The following ST3GAL3 variants were observed in gnomAD, a reference collection of about 807,000 sequenced individuals.
ST3GAL3 encodes the protein ST3 beta-galactoside alpha-2,3-sialyltransferase 3.
Under a neutral mutation model 50.1 loss-of-function variants are expected in ST3GAL3, and 21 were observed. The observed-to-expected ratio is 0.42, with a 90% CI of 0.30 to 0.60. The LOEUF is 0.60. ST3GAL3 is among the 20% of genes least tolerant of loss of function. The probability of loss-of-function intolerance (pLI) is 0.19; values close to 1 mark genes in which losing one functional copy is unlikely to be tolerated. For synonymous variants in ST3GAL3, 183 were observed against 190.0 expected (o/e 0.96, Z 0.30); for missense variants, 353 against 489.4 (o/e 0.72, Z 2.63).
intron 4 of ST3GAL3, among the ~76,000 whole-genome samples, chr1:43,817,856 C>CTCT (rs1286534906): frequency 1.9e-5 from 2 of 105,790 alleles, no homozygotes; most frequent in Non-Finnish European, 4.3e-5. Flanking sequence ...CCTTCTCCTC[C>CTCT]TCCTCCTCTT....
chr1:43,913,632 C>T (rs1248702582), intron 9 of ST3GAL3: 1 of 152,104 alleles, frequency 6.6e-6, no homozygotes, highest in Admixed American at 6.6e-5. Context: ...CAAACCATAT[C>T]TTGGTCTTAC....
At chr1:43,918,119 C>CTTTTTT (rs573834844) in intron 9 of ST3GAL3, among the ~76,000 whole-genome samples, 12,094 of 133,654 alleles carry the variant, frequency 0.09, 1,194 homozygotes, top group African/African-American at 0.22. Context: ...TTTTCTTTCT[C>CTTTTTT]TTTTTTTTTT....
At chr1:43,884,393 G>GA (rs2075644695) in intron 5 of ST3GAL3, among the ~76,000 whole-genome samples, 1 of 152,222 alleles carries the variant, frequency 6.6e-6, no homozygotes, top group East Asian at 1.9e-4. Flanking sequence ...TCAGCAAGGG[G>GA]AACGCAGCAA....
chr1:43,930,472 T>C lies in ST3GAL3; in HGVS notation c.*251T>C. On this transcript the variant is annotated 3_prime_UTR_variant, in exon 12 of 12. Coordinates refer to ENST00000347631, the MANE Select transcript of ST3GAL3 (RefSeq NM_006279.5). ...CTGGCTGTGCCCAGCAGGCCCAGCA[T>C]GCAGGTGGTGGGACACTGGGCAGCA... 1 of 583,564 alleles carries C rather than the reference T, an allele frequency of 1.7e-6. No homozygotes were observed. Among genetic ancestry groups the C allele is most frequent in the Middle Eastern group, 4.6e-4 (1 of 2,166 alleles). 36.1% of individuals were successfully genotyped at this position (583,564 alleles called of 1,614,324 possible). A position where few individuals can be genotyped will look rare whatever the true frequency, so the allele number is the denominator to read the frequency against.
chr1:43,774,419 C>G (rs1303932599), intron 2 of ST3GAL3, among the ~76,000 whole-genome samples: 1 of 152,300 alleles, frequency 6.6e-6, no homozygotes, highest in East Asian at 1.9e-4. Context: ...TGCTGCCTTT[C>G]AGGTGTTGAG....
intron 11 of ST3GAL3, among the ~76,000 whole-genome samples, chr1:43,924,552 C>A (rs2083579133): frequency 6.6e-6 from 1 of 152,194 alleles, no homozygotes; most frequent in Non-Finnish European, 1.5e-5. Context: ...TGAGGCCTTA[C>A]ATTAGCATGT....
rs551835023 is a variant in ST3GAL3, at chr1:43,872,749, A to G, written c.303-21634A>G. Among the ~76,000 whole-genome samples, 4 of 152,308 alleles carry G rather than the reference A, an allele frequency of 2.6e-5. No homozygotes were observed. The East Asian group carries it at 5.8e-4, about 22-fold the overall frequency. On this transcript the variant is annotated intron_variant, in intron 5 of 11. Coordinates refer to ENST00000347631, the MANE Select transcript of ST3GAL3 (RefSeq NM_006279.5). Reference sequence around the variant, plus strand: ...TGGGAAGCAGGCAAAGAAACGATATAGAAATAAGGTGTACAGTATTTTAGA... The same window carrying G: ...TGGGAAGCAGGCAAAGAAACGATATGGAAATAAGGTGTACAGTATTTTAGA...
chr1:43,816,183 G>C (rs796181877), intron 4 of ST3GAL3, among the ~76,000 whole-genome samples: 1 of 152,114 alleles, frequency 6.6e-6, no homozygotes, highest in African/African-American at 2.4e-5. Flanking sequence ...TTTCTGTCTT[G>C]CATAAGACCT....
intron 1 of ST3GAL3, among the ~76,000 whole-genome samples, chr1:43,733,462 G>A (rs181297034): frequency 1.3e-5 from 2 of 152,242 alleles, no homozygotes; most frequent in East Asian, 3.9e-4. Context: ...AGTAAATTGA[G>A]TACATTTATA....
chr1:43,759,814 T>C (rs1689617392), intron 2 of ST3GAL3, among the ~76,000 whole-genome samples: 1 of 152,230 alleles, frequency 6.6e-6, no homozygotes, highest in African/African-American at 2.4e-5. Context: ...AAAAATGTTA[T>C]TGACGAAACA....
intron 1 of ST3GAL3, among the ~76,000 whole-genome samples, chr1:43,725,181 G>T (rs1672332316): frequency 6.6e-6 from 1 of 152,070 alleles, no homozygotes; most frequent in Non-Finnish European, 1.5e-5. Context: ...CTCTTTACCT[G>T]CATGCTTTTT....
At chr1:43,808,985 G>T (rs527379953) in intron 3 of ST3GAL3, among the ~76,000 whole-genome samples, 1 of 152,312 alleles carries the variant, frequency 6.6e-6, no homozygotes, top group South Asian at 2.1e-4. Flanking sequence ...AGCCTTTAAA[G>T]GATCAAACTG....
intron 5 of ST3GAL3, among the ~76,000 whole-genome samples, chr1:43,866,253 G>A (rs569526825): frequency 1.4e-4 from 21 of 152,292 alleles, no homozygotes; most frequent in African/African-American, 5.1e-4. Context: ...CATCTTTTGG[G>A]GGAAAGTGGT....
At chr1:43,875,558 G>A (rs898646378) in intron 5 of ST3GAL3, among the ~76,000 whole-genome samples, 3 of 152,074 alleles carry the variant, frequency 2.0e-5, no homozygotes, top group Admixed American at 1.3e-4. Flanking sequence ...ATTGGATCAT[G>A]GGGGGTTTCC....
intron 9 of ST3GAL3, among the ~76,000 whole-genome samples, chr1:43,900,061 GTC>G (rs1484218193): frequency 6.6e-6 from 1 of 151,722 alleles, no homozygotes; most frequent in Admixed American, 6.6e-5. Context: ...GGGAAGCTCT[GTC>G]TCTCAGGCCA....
rs751448505 is a variant in ST3GAL3 at position 43,899,465 on chromosome 1, C to G, written c.558-76C>G. ...CAGGTGACCTGGACTCCCTATTCTC[C>G]ATGCCTGGGATAGTCTGGGGTCATG... On this transcript the variant is annotated intron_variant, in intron 8 of 11. Coordinates refer to ENST00000347631, the MANE Select transcript of ST3GAL3 (RefSeq NM_006279.5). The surrounding 1 kb of genome is among the most constrained non-coding windows in gnomAD (Gnocchi z 5.4). 3 of 1,597,856 alleles carry G rather than the reference C, an allele frequency of 1.9e-6. No homozygotes were observed. In the Admixed American group the frequency reaches 5.1e-5, roughly 27 times the overall value.
chr1:43,766,669 G>T (rs1372894920), intron 2 of ST3GAL3, among the ~76,000 whole-genome samples: 1 of 152,100 alleles, frequency 6.6e-6, no homozygotes, highest in African/African-American at 2.4e-5. Flanking sequence ...CCTAAGGTGA[G>T]GTGTGGAGTT....
At position 43,751,714 on chromosome 1, in the gene ST3GAL3, C is replaced by T. The variant is rs147331017; in HGVS notation, c.118+15334C>T. 6.3e-4 allele frequency among the ~76,000 whole-genome samples: 96 copies of T among 152,228 alleles called. No homozygotes were observed. In the East Asian group the frequency reaches 0.014, roughly 22 times the overall value. ...TAATTGGCAGTTAGAGTATTCCTGG[C>T]GTATTCTGTGTCAGGTCTTTGGGAT... is the stretch of plus-strand genomic sequence containing the variant. On this transcript the variant is annotated intron_variant, in intron 2 of 11. Transcript: ENST00000347631.
intron 5 of ST3GAL3, 46 bp downstream of exon 5, chr1:43,838,357 G>A (rs1315047342): frequency 5.1e-6 from 8 of 1,560,574 alleles, no homozygotes; most frequent in Non-Finnish European, 6.2e-6. Context: ...CCTGGTCTGG[G>A]GTCCAAGAGC....
Sources: gnomAD v4.1 joint callset for allele counts (sites outside exome capture counted in the v4.1 genomes callset) on GRCh38, gnomAD v4.1.1 for gene constraint, Gnocchi (gnomAD v3.1) non-coding constraint, MANE v1.5 for transcripts, NCBI Gene and HGNC (gene_info 2026-07-23, HGNC 2026-07-21) for gene names.